TLN2: variants seen among roughly 807,000 people sequenced by gnomAD.
The protein encoded by TLN2 is talin-2.
Under a neutral mutation model 294.7 loss-of-function variants are expected in TLN2, and 118 were observed. The ratio of observed to expected loss-of-function variants is 0.40; its 90% CI spans 0.34 to 0.47. The LOEUF is 0.47. Ranked by LOEUF, TLN2 falls within the 20% of genes least tolerant of loss-of-function variation. The pLI, the probability that TLN2 is intolerant of heterozygous loss-of-function variation, is 0.84. For synonymous variants in TLN2, 1,431 were observed against 1,304.5 expected, an observed-to-expected ratio of 1.10 and a Z score of -2.09; for missense variants, 3,083 against 3,282.2, an observed-to-expected ratio of 0.94 and a Z score of 1.48.
intron 1 of TLN2, among the ~76,000 whole-genome samples, chr15:62,529,165 C>G (rs1395542875): frequency 6.6e-6 from 1 of 151,858 alleles, no homozygotes; most frequent in Non-Finnish European, 1.5e-5. Flanking sequence ...ATGATCATGA[C>G]TCCCTGCAGC....
chr15:62,767,432 C>G (rs7170658), intron 41 of TLN2, among the ~76,000 whole-genome samples: 88,570 of 151,562 alleles, frequency 0.58, 26,943 homozygotes, highest in Non-Finnish European at 0.66. Flanking sequence ...ACCTCCGCCT[C>G]CCGGGTTCAG....
chr15:62,659,302 C>T lies in TLN2; in HGVS notation c.788+1404C>T, dbSNP rs981363338. Among the ~76,000 whole-genome samples the T allele has an allele frequency of 7.9e-5, 12 of 152,136 alleles. No individual in the cohort carries two copies. The East Asian group carries it at 1.7e-3, about 22-fold the overall frequency. ...GCAAATAGCTTCTGACTTCTAACAC[C>T]GGGTTCTCATTTTCAAAGGCATTCC... On this transcript the variant is annotated intron_variant, in intron 9 of 58. Transcript: ENST00000636159.
At chr15:62,458,975 C>T (rs2036638881) in intron 1 of TLN2, among the ~76,000 whole-genome samples, 1 of 151,908 alleles carries the variant, frequency 6.6e-6, no homozygotes, top group South Asian at 2.1e-4. Flanking sequence ...ATGGCACTAG[C>T]TCTATGTGGA....
At chr15:62,649,688 C>T (rs1332513711) in intron 4 of TLN2, among the ~76,000 whole-genome samples, 1 of 152,126 alleles carries the variant, frequency 6.6e-6, no homozygotes, top group East Asian at 1.9e-4. Flanking sequence ...TGGCCTTGGG[C>T]ATAGGTGGTC....
chr15:62,633,999 T>C (rs1427549394), intron 3 of TLN2, among the ~76,000 whole-genome samples: 1 of 152,166 alleles, frequency 6.6e-6, no homozygotes, highest in Non-Finnish European at 1.5e-5. Flanking sequence ...AATTTCTCCT[T>C]CTTATAAGGA....
chr15:62,400,534 A>G (rs576842981), intron 1 of TLN2, among the ~76,000 whole-genome samples: 11 of 152,358 alleles, frequency 7.2e-5, no homozygotes, highest in African/African-American at 2.2e-4. Context: ...CATTTTAAAT[A>G]GTCTATAATG....
Position 62,650,197 on chromosome 15 carries a change from C to T in TLN2, c.234+16C>T, listed in dbSNP as rs1359181762. On this transcript the variant is annotated intron_variant, in intron 5 of 58. Transcript: ENST00000636159. ...GCGGAATGGGGTATGCTGCCAATCC[C>T]AGTGCTGTTTCTTCATCCCTTTGTC... 2.5e-6 allele frequency: 4 copies of T among 1,613,206 alleles called. No individual in the cohort carries two copies. The African/African-American group carries it at 5.3e-5, about 22-fold the overall frequency.
chr15:62,813,456 A>G (rs17814219), intron 52 of TLN2, among the ~76,000 whole-genome samples: 17,241 of 152,274 alleles, frequency 0.11, 1,128 homozygotes, highest in South Asian at 0.19. Context: ...AACTATTCCT[A>G]TAAAAGAAAC....
chr15:62,783,659 A>C (rs2064380765), intron 44 of TLN2, 112 bp from the exon 45 acceptor site: 4 of 1,456,270 alleles, frequency 2.7e-6, no homozygotes, highest in Admixed American at 2.5e-5. Context: ...TCAGGAGCTT[A>C]AAAGTGAATG....
chr15:62,731,248 C>T (rs760675286), intron 28 of TLN2, among the ~76,000 whole-genome samples: 8 of 151,030 alleles, frequency 5.3e-5, no homozygotes, highest in Non-Finnish European at 4.4e-5. Flanking sequence ...ATCCTAATAT[C>T]TGGATAGCCT....
chr15:62,477,017 A>T (rs749980995), intron 1 of TLN2, among the ~76,000 whole-genome samples: 7 of 152,170 alleles, frequency 4.6e-5, no homozygotes, highest in Non-Finnish European at 1.0e-4. Context: ...CTGCCTATTC[A>T]TCCATTCATT....
At chr15:62,454,967 C>T (rs1352849583) in intron 1 of TLN2, among the ~76,000 whole-genome samples, 1 of 152,170 alleles carries the variant, frequency 6.6e-6, no homozygotes, top group Non-Finnish European at 1.5e-5. Flanking sequence ...TTATTCCTCA[C>T]TTTTCCTCCC....
rs200469297 is a variant in TLN2 at position 62,549,781 on chromosome 15, A to AG, written c.-237-39901dup. 3.8e-3 allele frequency among the ~76,000 whole-genome samples: 573 copies of AG among 152,296 alleles called. 7 individuals carry two copies. The highest frequency in any genetic ancestry group is 0.013 in the African/African-American group (538 of 41,560). ...ATGGGCTTAGGGAATTGGATAGGGCAGGGGGCAGATGTTTAGGCAGAGGGA... is the reference window on the plus strand; with the variant it reads ...ATGGGCTTAGGGAATTGGATAGGGCAGGGGGGCAGATGTTTAGGCAGAGGGA... On this transcript the variant is annotated intron_variant, in intron 1 of 58. Coordinates refer to ENST00000636159, the MANE Select transcript of TLN2 (RefSeq NM_015059.3).
chr15:62,839,050 A>T (rs2070231414), intron 58 of TLN2, 69 bp downstream of exon 58: 1 of 1,555,712 alleles, frequency 6.4e-7, no homozygotes, highest in African/African-American at 1.4e-5. Flanking sequence ...GAGACAAAAG[A>T]ATAGTGACTT....
At chr15:62,433,455 C>T (rs914257570) in intron 1 of TLN2, among the ~76,000 whole-genome samples, 5 of 152,006 alleles carry the variant, frequency 3.3e-5, no homozygotes, top group East Asian at 1.9e-4. Context: ...CGAGGCAGAC[C>T]GCTGGGGCAT....
chr15:62,818,202 A>G (rs1567671807), intron 52 of TLN2, among the ~76,000 whole-genome samples: 1 of 152,226 alleles, frequency 6.6e-6, no homozygotes, highest in African/African-American at 2.4e-5. Context: ...GGATGAAGCC[A>G]GGTTTGAACA....
At chr15:62,463,731 C>A (rs2036947445) in intron 1 of TLN2, among the ~76,000 whole-genome samples, 1 of 151,996 alleles carries the variant, frequency 6.6e-6, no homozygotes, top group African/African-American at 2.4e-5. Context: ...TAAAAACACA[C>A]AAAAAATTAG....
intron 54 of TLN2, chr15:62,832,267 G>A (rs927439231): frequency 3.3e-5 from 5 of 152,122 alleles, no homozygotes; most frequent in African/African-American, 1.2e-4. Context: ...GGATAAAAGG[G>A]TAAGTTTTGT....
At chr15:62,788,922 A>T (rs1481269443) in intron 45 of TLN2, among the ~76,000 whole-genome samples, 1 of 152,198 alleles carries the variant, frequency 6.6e-6, no homozygotes, top group Non-Finnish European at 1.5e-5. Context: ...GGAAGGAACA[A>T]AGGCCCCTCA....
Sources: allele counts gnomAD v4.1 joint callset (sites outside exome capture counted in the v4.1 genomes callset), GRCh38; gene constraint gnomAD v4.1.1; transcripts MANE v1.5; gene names NCBI Gene and HGNC (gene_info 2026-07-23, HGNC 2026-07-21).